Variants in ZNF782 observed in about 807,000 individuals in gnomAD.
ZNF782 encodes the protein zinc finger protein 782.
In ZNF782, 12 loss-of-function variants were observed where a neutral mutation model predicts 13.0. The ratio of observed to expected loss-of-function variants is 0.92; its 90% CI spans 0.59 to 1.50. The LOEUF is 1.50. Among genes scored for constraint, ZNF782 ranks in the 40% most tolerant of loss-of-function variants. ZNF782 has a pLI of 0.00. For synonymous variants in ZNF782, 284 were observed against 283.0 expected (o/e 1.00, Z -0.04); for missense variants, 770 against 822.9 (o/e 0.94, Z 0.79).
chr9:96,910,625 G>A, the ZNF782 span, among the ~76,000 whole-genome samples: 1 of 148,950 alleles, frequency 6.7e-6, no homozygotes, highest in African/African-American at 2.5e-5. Context: ...AACTTCCAAG[G>A]CCCTGCTTTT....
At chr9:96,827,874 C>T (rs1276351277) in intron 4 of ZNF782, among the ~76,000 whole-genome samples, 1 of 152,134 alleles carries the variant, frequency 6.6e-6, no homozygotes, top group Non-Finnish European at 1.5e-5. Context: ...ATGAGGTGAG[C>T]CCTATGATTA....
chr9:96,896,447 G>A, the ZNF782 span, among the ~76,000 whole-genome samples: 17 of 152,182 alleles, frequency 1.1e-4, no homozygotes, highest in Non-Finnish European at 2.4e-4. Context: ...TTACTACTAA[G>A]ACATTTGCAT....
At chr9:96,872,685 C>A (rs950605937) in intron 1 of ZNF782, among the ~76,000 whole-genome samples, 1 of 152,130 alleles carries the variant, frequency 6.6e-6, no homozygotes, top group African/African-American at 2.4e-5. Flanking sequence ...TTAATCCATG[C>A]CTCTATGTAA....
chr9:96,818,669 A>T lies in ZNF782; in HGVS notation c.1354T>A (p.Cys452Ser), dbSNP rs1850276562. Residue 452 changes from cysteine to serine, a missense_variant, in exon 6 of 6, where the codon TGT becomes AGT. Physicochemically the swap from Cys to Ser is moderately radical, Grantham distance 112. Coordinates refer to ENST00000481138, the MANE Select transcript of ZNF782 (RefSeq NM_001001662.3). ...RTHTGEKPFECHECGKSFNYK... is the reference protein window; with the variant it reads ...RTHTGEKPFESHECGKSFNYK... ...TTAAAAGATTTCCCACATTCATGAC[A>T]TTCGAATGGTTTCTCCCCTGTGTGG... 2 of 1,614,122 alleles carry T rather than the reference A, an allele frequency of 1.2e-6. No homozygotes were observed. The highest frequency in any genetic ancestry group is 2.7e-5 in the African/African-American group (2 of 75,030).
chr9:96,832,169 T>C (rs1264914995), intron 4 of ZNF782, among the ~76,000 whole-genome samples: 2 of 152,200 alleles, frequency 1.3e-5, no homozygotes, highest in Admixed American at 1.3e-4. Flanking sequence ...GTGGTTACTC[T>C]ATATATTAAA....
the ZNF782 span, chr9:96,894,054 G>A: frequency 2.0e-5 from 3 of 147,440 alleles, no homozygotes; most frequent in Non-Finnish European, 1.5e-5. Context: ...GGACATGGAT[G>A]AAGCTGGAAA....
At chr9:96,902,931 T>C in the ZNF782 span, 1 of 151,312 alleles carries the variant, frequency 6.6e-6, no homozygotes, top group Non-Finnish European at 1.5e-5. Context: ...GGATCCGAAG[T>C]AGCTGCGATT....
chr9:96,884,620 G>A, the ZNF782 span, among the ~76,000 whole-genome samples: 1 of 152,028 alleles, frequency 6.6e-6, no homozygotes, highest in South Asian at 2.1e-4. Flanking sequence ...CACACTCAGA[G>A]GCAACAAGGT....
At position 96,818,253 on chromosome 9, in the gene ZNF782, A is replaced by G; in HGVS notation, c.1770T>C (p.Tyr590=). The change falls in exon 6 of 6, where the codon TAT becomes TAC. Residue 590 remains tyrosine (Y), a synonymous_variant. Transcript: ENST00000481138. The part of the protein sequence containing the change: ...HHRTHTGEKP[Y]QCEECGKTFR... ...ATGTTTTTCCACACTCCTCACATTG[A>G]TAGGGTTTCTCCCCAGTATGAGTTC... is the stretch of plus-strand genomic sequence containing the variant. 6.2e-7 allele frequency: 1 copy of G among 1,613,626 alleles called. No individual in the cohort carries two copies. Among genetic ancestry groups the G allele is most frequent in the Non-Finnish European group, 8.5e-7 (1 of 1,179,920 alleles).
At chr9:96,907,432 G>A in the ZNF782 span, among the ~76,000 whole-genome samples, 1 of 152,216 alleles carries the variant, frequency 6.6e-6, no homozygotes, top group Admixed American at 6.5e-5. Context: ...ACAACAATAT[G>A]AATATATTAA....
At chr9:96,932,684 C>G in the ZNF782 span, among the ~76,000 whole-genome samples, 1 of 149,942 alleles carries the variant, frequency 6.7e-6, no homozygotes, top group African/African-American at 2.5e-5. Flanking sequence ...TGGACTTTCA[C>G]TCTTGTTGCC....
At chr9:96,846,622 G>C (rs1009607005) in intron 3 of ZNF782, among the ~76,000 whole-genome samples, 1 of 152,066 alleles carries the variant, frequency 6.6e-6, no homozygotes. Context: ...ATGATAAAAG[G>C]ATCAATCCAA....
At chr9:96,859,549 A>G (rs1407284020) in intron 3 of ZNF782, among the ~76,000 whole-genome samples, 1 of 152,080 alleles carries the variant, frequency 6.6e-6, no homozygotes, top group Non-Finnish European at 1.5e-5. Flanking sequence ...GAAGGGAAGG[A>G]CTCAGTAATG....
At chr9:96,926,398 G>A in the ZNF782 span, among the ~76,000 whole-genome samples, 4 of 152,226 alleles carry the variant, frequency 2.6e-5, no homozygotes, top group African/African-American at 9.6e-5. Context: ...TTTGGTTTTG[G>A]TAAGTTTACC....
chr9:96,908,436 C>G, the ZNF782 span, among the ~76,000 whole-genome samples: 3 of 152,240 alleles, frequency 2.0e-5, no homozygotes. Context: ...GCCTAAAATG[C>G]AAGAGAAGCT....
At chr9:96,844,863 G>A (rs1851299008) in intron 4 of ZNF782, 27 bp downstream of exon 4, 1 of 1,613,724 alleles carries the variant, frequency 6.2e-7, no homozygotes, top group Non-Finnish European at 8.5e-7. Context: ...GCACTCTGGA[G>A]GGAACCCCAT....
upstream of ZNF782, among the ~76,000 whole-genome samples, chr9:96,876,587 A>C (rs1224573721): frequency 6.6e-6 from 1 of 152,244 alleles, no homozygotes; most frequent in African/African-American, 2.4e-5. Context: ...TGTGAATGAA[A>C]TACTTGCACA....
intron 1 of ZNF782, among the ~76,000 whole-genome samples, chr9:96,872,778 A>G (rs1479805166): frequency 6.6e-6 from 1 of 152,214 alleles, no homozygotes; most frequent in Non-Finnish European, 1.5e-5. Flanking sequence ...TCTGGCCACA[A>G]TACTTAGTGG....
At chr9:96,827,790 C>G (rs983507487) in intron 4 of ZNF782, among the ~76,000 whole-genome samples, 1 of 152,060 alleles carries the variant, frequency 6.6e-6, no homozygotes, top group African/African-American at 2.4e-5. Flanking sequence ...AAAAACCAAA[C>G]AAAATATAAA....
Sources: gnomAD v4.1 joint callset for allele counts (sites outside exome capture counted in the v4.1 genomes callset) on GRCh38, gnomAD v4.1.1 for gene constraint, MANE v1.5 for transcripts, NCBI Gene and HGNC (gene_info 2026-07-23, HGNC 2026-07-21) for gene names.